HS3ST5: variants seen among roughly 807,000 people sequenced by gnomAD.
The protein encoded by HS3ST5 is heparan sulfate glucosamine 3-O-sulfotransferase 5.
Under a neutral mutation model 25.4 loss-of-function variants are expected in HS3ST5, and 10 were observed. That is an observed-to-expected ratio of 0.39 (90% CI 0.24 to 0.67). The LOEUF is 0.67. HS3ST5 is among the 30% of genes least tolerant of loss of function. HS3ST5 has a pLI of 0.44. For synonymous variants in HS3ST5, 170 were observed against 162.4 expected (o/e 1.05, Z -0.36); for missense variants, 324 against 420.7 (o/e 0.77, Z 2.01).
chr6:114,309,161 C>G (rs1293473929), intron 1 of HS3ST5, among the ~76,000 whole-genome samples: 2 of 152,174 alleles, frequency 1.3e-5, no homozygotes, highest in Non-Finnish European at 2.9e-5. Flanking sequence ...AAAGTGATTT[C>G]TTTGACCACA....
At chr6:114,100,118 C>G (rs1417426824) in intron 3 of HS3ST5, among the ~76,000 whole-genome samples, 1 of 152,098 alleles carries the variant, frequency 6.6e-6, no homozygotes, top group Admixed American at 6.5e-5. Flanking sequence ...ATGATTTATT[C>G]TAGGAGACAT....
chr6:114,318,386 T>A (rs1775828475), intron 1 of HS3ST5, among the ~76,000 whole-genome samples: 1 of 152,136 alleles, frequency 6.6e-6, no homozygotes, highest in South Asian at 2.1e-4. Context: ...AAATTGCTAT[T>A]TTTTTCTCCT....
intron 3 of HS3ST5, among the ~76,000 whole-genome samples, chr6:114,103,077 C>A (rs889623026): frequency 2.0e-5 from 3 of 152,248 alleles, no homozygotes; most frequent in East Asian, 1.9e-4. Flanking sequence ...TTGTTCAACC[C>A]TTTTATGGCT....
At chr6:114,331,729 A>G (rs1765065723) in intron 1 of HS3ST5, among the ~76,000 whole-genome samples, 1 of 152,148 alleles carries the variant, frequency 6.6e-6, no homozygotes, top group Admixed American at 6.5e-5. Context: ...TTGCCATTAA[A>G]TGTATTAATC....
rs1383139939 is a variant in HS3ST5, at chr6:114,057,297, T to G, written c.1001A>C (p.Lys334Thr). 1 of 1,613,810 alleles carries G rather than the reference T, an allele frequency of 6.2e-7. No individual in the cohort carries two copies. The highest frequency in any genetic ancestry group is 1.7e-5 in the Admixed American group (1 of 59,980). The part of the protein sequence containing the change: ...LRKFFHPFNQ[K>T]FYQITGRTLN... ...TGTCCTCCCAGTGATCTGGTAAAAT[T>G]TTTGATTAAAAGGATGAAAGAATTT... Residue 334 changes from lysine to threonine, a missense_variant, in exon 5 of 5, where the codon AAA becomes ACA. Transcript: ENST00000312719.
chr6:114,227,766 T>C (rs879392765), intron 2 of HS3ST5, among the ~76,000 whole-genome samples: 1 of 152,090 alleles, frequency 6.6e-6, no homozygotes, highest in African/African-American at 2.4e-5. Context: ...TAGTAACAAC[T>C]CATTATTTTC....
chr6:114,211,936 T>C lies in HS3ST5; in HGVS notation c.-145+16649A>G, dbSNP rs145654454. Among the ~76,000 whole-genome samples, 5 of 152,348 alleles carry C rather than the reference T, an allele frequency of 3.3e-5. No individual in the cohort carries two copies. The East Asian group carries it at 9.6e-4, about 29-fold the overall frequency. On this transcript the variant is annotated intron_variant, in intron 2 of 4. Coordinates refer to ENST00000312719, the MANE Select transcript of HS3ST5 (RefSeq NM_153612.4). ...TGTGCACATGTTATGTGCCCCACAT[T>C]GTTCTGCAACAGCGTGGGAAATATG... is the stretch of plus-strand genomic sequence containing the variant.
rs139576754 is a variant in HS3ST5, at chr6:114,276,458, A to G, written c.-338-47680T>C. On this transcript the variant is annotated intron_variant, in intron 1 of 4. Transcript: ENST00000312719. ...TAAGTATTCAGTATCTTTGTAATCA[A>G]TGGGTAACTCATGCTTTTACACATA... Among the ~76,000 whole-genome samples, 201 of 152,004 alleles carry G rather than the reference A, an allele frequency of 1.3e-3. 3 individuals are homozygous for G. The East Asian group carries it at 0.029, about 22-fold the overall frequency.
At chr6:114,234,451 T>C (rs1771761459) in intron 1 of HS3ST5, among the ~76,000 whole-genome samples, 1 of 152,032 alleles carries the variant, frequency 6.6e-6, no homozygotes, top group Non-Finnish European at 1.5e-5. Context: ...TACTAAAAGA[T>C]ATTTTAGGAA....
At chr6:114,233,431 G>A (rs1201344221) in intron 1 of HS3ST5, among the ~76,000 whole-genome samples, 1 of 152,016 alleles carries the variant, frequency 6.6e-6, no homozygotes, top group African/African-American at 2.4e-5. Context: ...GATTAGAAAT[G>A]ACCCAGAAGA....
At chr6:114,189,014 T>C (rs1780362386) in intron 2 of HS3ST5, among the ~76,000 whole-genome samples, 1 of 152,144 alleles carries the variant, frequency 6.6e-6, no homozygotes, top group Non-Finnish European at 1.5e-5. Flanking sequence ...CCTTAAATCA[T>C]ATATATTCTA....
chr6:114,072,018 T>A (rs1269953403), intron 3 of HS3ST5, among the ~76,000 whole-genome samples: 3 of 152,166 alleles, frequency 2.0e-5, no homozygotes, highest in Non-Finnish European at 4.4e-5. Flanking sequence ...AATGTCCTGC[T>A]CAAAGCTGCA....
chr6:114,082,948 T>C (rs547211999), intron 3 of HS3ST5, among the ~76,000 whole-genome samples: 14 of 152,190 alleles, frequency 9.2e-5, no homozygotes, highest in Non-Finnish European at 1.6e-4. Flanking sequence ...TAAGAACCCC[T>C]TCCCCTCCCT....
intron 1 of HS3ST5, among the ~76,000 whole-genome samples, chr6:114,304,928 G>A (rs1339618990): frequency 1.3e-5 from 2 of 152,070 alleles, no homozygotes; most frequent in Non-Finnish European, 2.9e-5. Flanking sequence ...AAAAAGAAAG[G>A]AGTAATTGAA....
intron 1 of HS3ST5, among the ~76,000 whole-genome samples, chr6:114,325,102 T>G (rs1446150359): frequency 6.6e-6 from 1 of 152,202 alleles, no homozygotes; most frequent in Non-Finnish European, 1.5e-5. Flanking sequence ...TCTCCCAGTT[T>G]CTGAATGAAT....
chr6:114,306,881 A>T (rs1338413052), intron 1 of HS3ST5, among the ~76,000 whole-genome samples: 1 of 152,236 alleles, frequency 6.6e-6, no homozygotes. Flanking sequence ...TAAGAAATAC[A>T]TATAGGACAT....
chr6:114,061,717 A>C (rs990529544), intron 4 of HS3ST5, among the ~76,000 whole-genome samples: 2 of 152,204 alleles, frequency 1.3e-5, no homozygotes, highest in African/African-American at 2.4e-5. Context: ...TGGGAGGCCA[A>C]GGCAGGTGGA....
At chr6:114,224,569 T>G (rs1234676226) in intron 2 of HS3ST5, among the ~76,000 whole-genome samples, 1 of 151,528 alleles carries the variant, frequency 6.6e-6, no homozygotes, top group African/African-American at 2.4e-5. Context: ...TATCTTTTTT[T>G]GTACTCTTAA....
intron 1 of HS3ST5, among the ~76,000 whole-genome samples, chr6:114,323,994 C>T (rs563918083): frequency 1.3e-5 from 2 of 152,208 alleles, no homozygotes; most frequent in South Asian, 4.2e-4. Context: ...GGTCTTCTTC[C>T]CCCTGCTGGG....
Sources: allele counts gnomAD v4.1 joint callset (sites outside exome capture counted in the v4.1 genomes callset), GRCh38; gene constraint gnomAD v4.1.1; transcripts MANE v1.5; gene names NCBI Gene and HGNC (gene_info 2026-07-23, HGNC 2026-07-21).